Variants in PEX7 observed in about 807,000 individuals in gnomAD.
PEX7 encodes peroxisomal biogenesis factor 7, also known as PTS2 receptor.
PEX7 carries 34 observed loss-of-function variants against 47.5 expected under a neutral mutation model. The ratio of observed to expected loss-of-function variants is 0.72; its 90% CI spans 0.54 to 0.95. The LOEUF (loss-of-function observed/expected upper bound fraction) is 0.95, where lower values mean the gene tolerates loss of function less well. Ranked by LOEUF, PEX7 falls within the 40% of genes least tolerant of loss-of-function variation. The pLI is 0.00. For missense variants in PEX7, 394 were observed against 400.3 expected (o/e 0.98, Z 0.13); for synonymous variants, 141 against 148.8 (o/e 0.95, Z 0.38).
At chr6:136,877,877 C>T (rs1199751509) in intron 8 of PEX7, among the ~76,000 whole-genome samples, 1 of 152,106 alleles carries the variant, frequency 6.6e-6, no homozygotes. Flanking sequence ...AGCATTGAAT[C>T]TATAAATTAC....
intron 5 of PEX7, among the ~76,000 whole-genome samples, chr6:136,862,645 G>A (rs1051799664): frequency 3.3e-5 from 5 of 152,116 alleles, no homozygotes; most frequent in Admixed American, 2.0e-4. Context: ...TAAAGTGCTG[G>A]GATTACAGGT....
intron 8 of PEX7, among the ~76,000 whole-genome samples, chr6:136,887,155 TG>T (rs1180387204): frequency 6.6e-6 from 1 of 152,122 alleles, no homozygotes; most frequent in Non-Finnish European, 1.5e-5. Context: ...ACACATTTGT[TG>T]AAAAAATTAT....
At chr6:136,868,172 A>G (rs1325824049) in intron 6 of PEX7, among the ~76,000 whole-genome samples, 2 of 152,230 alleles carry the variant, frequency 1.3e-5, no homozygotes, top group African/African-American at 4.8e-5. Flanking sequence ...CTGGGTGTGT[A>G]CTAGGCTGTA....
intron 8 of PEX7, among the ~76,000 whole-genome samples, chr6:136,893,086 T>C (rs1024037483): frequency 1.3e-5 from 2 of 152,244 alleles, no homozygotes; most frequent in African/African-American, 4.8e-5. Flanking sequence ...TCACAAGTTA[T>C]CTGTAAATTT....
chr6:136,870,048 A>T, intron 7 of PEX7, 45 bp downstream of exon 7: 4 of 1,153,906 alleles, frequency 3.5e-6, no homozygotes, highest in Non-Finnish European at 5.1e-6. Context: ...AAATTATATA[A>T]ATATAATCAA....
chr6:136,825,332 G>A (rs1246411470), intron 2 of PEX7, 61 bp downstream of exon 2: 13 of 1,319,738 alleles, frequency 9.9e-6, no homozygotes, highest in Admixed American at 1.7e-5. Context: ...AATAGAATTA[G>A]GTTTTGACTC....
intron 1 of PEX7, 61 bp downstream of exon 1, chr6:136,822,856 C>G (rs537287050): frequency 4.7e-6 from 5 of 1,056,792 alleles, no homozygotes; most frequent in South Asian, 4.1e-5. Flanking sequence ...GCCAGCCGGG[C>G]TCCAGTTCCT....
chr6:136,891,454 A>G (rs6934742), intron 8 of PEX7, among the ~76,000 whole-genome samples: 7,063 of 152,258 alleles, frequency 0.046, 337 homozygotes, highest in African/African-American at 0.12. Context: ...GTAGTTTTTC[A>G]CAATTGATCA....
In PEX7 at chr6:136,846,134, G is replaced by A; in HGVS notation, c.479G>A (p.Ser160Asn). The A allele has an allele frequency of 3.1e-6, 5 of 1,613,572 alleles. No homozygotes were observed. The highest frequency in any genetic ancestry group is 4.2e-6 in the Non-Finnish European group (5 of 1,179,642). The change falls in exon 5 of 10, where the codon AGC (serine) becomes AAC (asparagine). Residue 160 changes from serine to asparagine, a missense_variant. Ser to Asn is a conservative substitution (Grantham distance 46). Transcript: ENST00000318471. ...TFRGHESIIY[S>N]TIWSPHIPGC... The stretch of plus-strand genomic sequence containing the variant: ...AGAGGCCATGAAAGTATTATTTATA[G>A]CACAATCTGGTCTCCCCACATCCCT...
intron 1 of PEX7, chr6:136,823,371 C>T (rs1774121287): frequency 1.0e-6 from 1 of 984,556 alleles, no homozygotes; most frequent in African/African-American, 1.7e-5. Flanking sequence ...GGAATGCACA[C>T]ATTCGCAAGT....
chr6:136,831,960 G>T (rs1247026875), intron 3 of PEX7, among the ~76,000 whole-genome samples: 6 of 152,216 alleles, frequency 3.9e-5, no homozygotes, highest in African/African-American at 1.4e-4. Context: ...CCTTTCTGGG[G>T]CCTGGGGGAC....
intron 3 of PEX7, among the ~76,000 whole-genome samples, chr6:136,841,849 G>A (rs144554258): frequency 0.043 from 6,541 of 151,138 alleles, 516 homozygotes; most frequent in African/African-American, 0.15. Context: ...GCCTCCCAAA[G>A]TGCTGGGATT....
chr6:136,845,555 T>C (rs1260901136), intron 3 of PEX7, 60 bp from the exon 4 acceptor site: 3 of 934,168 alleles, frequency 3.2e-6, no homozygotes, highest in South Asian at 1.3e-5. Context: ...TAACAAGAGA[T>C]AAAATGCAAT....
intron 8 of PEX7, among the ~76,000 whole-genome samples, chr6:136,890,275 C>T (rs983851155): frequency 6.6e-6 from 1 of 152,176 alleles, no homozygotes; most frequent in Admixed American, 6.5e-5. Context: ...TGTCTGTGCA[C>T]ACATGTGTAA....
At position 136,833,792 on chromosome 6, in the gene PEX7, T is replaced by G. The variant is rs866791396; in HGVS notation, c.339+7323T>G. 2.0e-5 allele frequency among the ~76,000 whole-genome samples: 3 copies of G among 152,264 alleles called. No individual in the cohort carries two copies. In the South Asian group the frequency reaches 6.2e-4, roughly 31 times the overall value. The stretch of plus-strand genomic sequence containing the variant: ...ATATGTCATCACTTTTCAATTCTCA[T>G]GTTTTAAAAGCATTTACCTTCTTTT... On this transcript the variant is annotated intron_variant, in intron 3 of 9. Transcript: ENST00000318471.
At chr6:136,834,709 C>A (rs1286802581) in intron 3 of PEX7, among the ~76,000 whole-genome samples, 1 of 152,122 alleles carries the variant, frequency 6.6e-6, no homozygotes, top group Non-Finnish European at 1.5e-5. Context: ...GGGGGTTGGA[C>A]TTTATGCTTT....
chr6:136,872,528 C>T (rs1338128761), intron 8 of PEX7, among the ~76,000 whole-genome samples: 1 of 152,100 alleles, frequency 6.6e-6, no homozygotes, highest in African/African-American at 2.4e-5. Flanking sequence ...CTTTCCTACA[C>T]TATAGATGGC....
At chr6:136,899,247 ATT>A (rs112875737) in intron 9 of PEX7, among the ~76,000 whole-genome samples, 4 of 117,816 alleles carry the variant, frequency 3.4e-5, no homozygotes, top group Non-Finnish European at 5.5e-5. Context: ...CACCCAATTA[ATT>A]TTTTTTTTTT....
chr6:136,828,647 G>C (rs1022594562), intron 3 of PEX7, among the ~76,000 whole-genome samples: 2 of 152,154 alleles, frequency 1.3e-5, no homozygotes, highest in African/African-American at 2.4e-5. Context: ...CCTTCTGATA[G>C]CCTCCTTTGA....
Sources: allele counts gnomAD v4.1 joint callset (sites outside exome capture counted in the v4.1 genomes callset), GRCh38; gene constraint gnomAD v4.1.1; transcripts MANE v1.5; gene names NCBI Gene and HGNC (gene_info 2026-07-23, HGNC 2026-07-21).